C12orf50: variants seen among roughly 807,000 people sequenced by gnomAD.
C12orf50 encodes the protein zinc finger CCCH-type containing 11D.
Under a neutral mutation model 61.6 loss-of-function variants are expected in C12orf50, and 35 were observed. The observed-to-expected ratio is 0.57, with a 90% confidence interval of 0.43 to 0.75. C12orf50 has a LOEUF of 0.75. C12orf50 is among the 30% of genes least tolerant of loss of function. The probability of loss-of-function intolerance (pLI) is 0.00; values close to 1 mark genes in which losing one functional copy is unlikely to be tolerated. For synonymous variants in C12orf50, 178 were observed against 161.5 expected, an observed-to-expected ratio of 1.10 and a Z score of -0.77; for missense variants, 475 against 488.5, an observed-to-expected ratio of 0.97 and a Z score of 0.26.
rs770322566 is a variant in C12orf50 at position 87,985,880 on chromosome 12, T to C, written c.1096A>G (p.Asn366Asp). ...CTGAGGTTGGGTTTGGGTTCCCTGTTAGCATGGACTTTATTGTAGGACCCA... is the reference window on the plus strand; with the variant it reads ...CTGAGGTTGGGTTTGGGTTCCCTGTCAGCATGGACTTTATTGTAGGACCCA... ...THGSYNKVHA[N>D]REPKPNLSPD... Residue 366 changes from asparagine (N) to aspartate (D), a missense_variant, in exon 11 of 13, where the codon AAC (asparagine) becomes GAC (aspartate). Coordinates refer to ENST00000298699, the MANE Select transcript of C12orf50 (RefSeq NM_152589.3). 2.5e-6 allele frequency: 4 copies of C among 1,613,282 alleles called. No individual in the cohort carries two copies. The highest frequency in any genetic ancestry group is 3.4e-6 in the Non-Finnish European group (4 of 1,179,828).
chr12:87,985,114 G>C (rs908158550), intron 11 of C12orf50: 1 of 151,912 alleles, frequency 6.6e-6, no homozygotes, highest in South Asian at 2.1e-4. Context: ...GAAAGATATA[G>C]TCTTATGTTT....
At chr12:88,018,076 C>T in intron 3 of C12orf50, among the ~76,000 whole-genome samples, 1 of 152,196 alleles carries the variant, frequency 6.6e-6, no homozygotes, top group Non-Finnish European at 1.5e-5. Context: ...TGTTAATCCC[C>T]AAGATAATGG....
chr12:88,028,674 T>G (rs2032793622), intron 1 of C12orf50, among the ~76,000 whole-genome samples: 1 of 152,150 alleles, frequency 6.6e-6, no homozygotes, highest in Admixed American at 6.5e-5. Context: ...GACACTTACC[T>G]GAATTCAACT....
At chr12:88,023,998 CAT>C (rs2032613714) in intron 3 of C12orf50, among the ~76,000 whole-genome samples, 1 of 152,132 alleles carries the variant, frequency 6.6e-6, no homozygotes, top group African/African-American at 2.4e-5. Flanking sequence ...CAAAAGAAGA[CAT>C]AAATGTGGCC....
intron 3 of C12orf50, among the ~76,000 whole-genome samples, chr12:88,014,421 C>T (rs1289842996): frequency 6.6e-6 from 1 of 152,102 alleles, no homozygotes; most frequent in Non-Finnish European, 1.5e-5. Context: ...CCTGCCTCAG[C>T]CTCCTGAGTA....
At chr12:87,991,218 T>C (rs1414587976) in intron 7 of C12orf50, among the ~76,000 whole-genome samples, 1 of 152,166 alleles carries the variant, frequency 6.6e-6, no homozygotes, top group Non-Finnish European at 1.5e-5. Context: ...GAGAAAAGTT[T>C]CTCTGTGGAG....
intron 1 of C12orf50, 49 bp from the exon 2 acceptor site, chr12:88,027,119 T>A: frequency 6.6e-7 from 1 of 1,522,998 alleles, no homozygotes; most frequent in Non-Finnish European, 8.8e-7. Flanking sequence ...TTGACATTAG[T>A]GTTCAACAAC....
At chr12:87,990,370 A>C (rs1367361488) in intron 7 of C12orf50, among the ~76,000 whole-genome samples, 4 of 152,178 alleles carry the variant, frequency 2.6e-5, no homozygotes, top group Non-Finnish European at 5.9e-5. Context: ...ATTCTACTAC[A>C]GAGATTTATC....
intron 3 of C12orf50, among the ~76,000 whole-genome samples, chr12:88,025,281 TAA>T (rs2032659616): frequency 6.6e-6 from 1 of 152,080 alleles, no homozygotes; most frequent in Non-Finnish European, 1.5e-5. Context: ...TGATTCATGG[TAA>T]GAGCAGGGAA....
At chr12:88,019,641 A>AC (rs1170657180) in intron 3 of C12orf50, among the ~76,000 whole-genome samples, 3 of 152,024 alleles carry the variant, frequency 2.0e-5, no homozygotes, top group African/African-American at 7.3e-5. Flanking sequence ...GAAAAAAAAA[A>AC]CCAAGAACTA....
At chr12:87,991,848 ATT>A (rs1172713906) in intron 7 of C12orf50, among the ~76,000 whole-genome samples, 1 of 152,192 alleles carries the variant, frequency 6.6e-6, no homozygotes, top group Non-Finnish European at 1.5e-5. Context: ...AACTGGAAAT[ATT>A]GTCTGTCAAA....
chr12:88,014,017 AAAG>A (rs2032212230), intron 3 of C12orf50, among the ~76,000 whole-genome samples: 1 of 152,210 alleles, frequency 6.6e-6, no homozygotes, highest in East Asian at 1.9e-4. Flanking sequence ...GAGAAAGAGA[AAAG>A]AAGCCTTATT....
rs752798817 is a variant in C12orf50 at position 87,989,328 on chromosome 12, G to C, written c.636C>G (p.Val212=). The change falls in exon 8 of 13, where the codon GTC becomes GTG. Residue 212 remains valine, a synonymous_variant. Transcript: ENST00000298699. ...CTTCAGTTAAAGCTTCACTTTCATC[G>C]ACTCCAAGAAATATGACCCTCTGTG... ...YVPQRVIFLG[V]DESEALTEEK... is the part of the protein sequence containing the mutation. The C allele has an allele frequency of 6.2e-7, 1 of 1,611,050 alleles. No homozygotes were observed. Among genetic ancestry groups the C allele is most frequent in the Non-Finnish European group, 8.5e-7 (1 of 1,178,420 alleles).
At chr12:88,004,314 A>G (rs1244634408) in intron 3 of C12orf50, among the ~76,000 whole-genome samples, 1 of 152,218 alleles carries the variant, frequency 6.6e-6, no homozygotes, top group Non-Finnish European at 1.5e-5. Context: ...GTCACTAATC[A>G]TTAGAGAAAT....
chr12:87,985,030 A>G (rs1287736861), intron 11 of C12orf50: 1 of 152,070 alleles, frequency 6.6e-6, no homozygotes, highest in African/African-American at 2.4e-5. Context: ...GTATATTTAA[A>G]TTGTAAAAGA....
At chr12:87,991,478 A>G (rs182767957) in intron 7 of C12orf50, among the ~76,000 whole-genome samples, 96 of 152,334 alleles carry the variant, frequency 6.3e-4, no homozygotes, top group African/African-American at 2.2e-3. Flanking sequence ...TACGGATTAA[A>G]GAGCAGAGAG....
chr12:88,007,878 C>T (rs2031945970), intron 3 of C12orf50, among the ~76,000 whole-genome samples: 1 of 151,566 alleles, frequency 6.6e-6, no homozygotes, highest in South Asian at 2.1e-4. Context: ...ATAATTCAAT[C>T]CTAAAGGCAT....
chr12:87,985,048 A>G (rs1219383589), intron 11 of C12orf50: 4 of 152,022 alleles, frequency 2.6e-5, no homozygotes, highest in Non-Finnish European at 5.9e-5. Context: ...AGAAATATAT[A>G]TACCTACTGT....
intron 2 of C12orf50, 45 bp downstream of exon 2, chr12:88,026,906 A>C (rs774013466): frequency 1.0e-5 from 16 of 1,593,956 alleles, no homozygotes; most frequent in Non-Finnish European, 1.4e-5. Context: ...GCATTATTGA[A>C]GGGAAATACT....
Sources: gnomAD v4.1 joint callset for allele counts (sites outside exome capture counted in the v4.1 genomes callset) on GRCh38, gnomAD v4.1.1 for gene constraint, MANE v1.5 for transcripts, NCBI Gene and HGNC (gene_info 2026-07-23, HGNC 2026-07-21) for gene names.